Variants in EVC2 observed in about 807,000 individuals in gnomAD.
EVC2 encodes EvC ciliary complex subunit 2.
Under a neutral mutation model 149.3 loss-of-function variants are expected in EVC2, and 148 were observed. That is an observed-to-expected ratio of 0.99 (90% CI 0.87 to 1.14). The LOEUF is 1.14. Ranked by LOEUF, EVC2 falls within the 50% of genes most tolerant of loss-of-function variation. The pLI, the probability that EVC2 is intolerant of heterozygous loss-of-function variation, is 0.00. For missense variants in EVC2, 1,854 were observed against 1,627.3 expected, an observed-to-expected ratio of 1.14 and a Z score of -2.40; for synonymous variants, 776 against 649.9, an observed-to-expected ratio of 1.19 and a Z score of -2.95.
intron 10 of EVC2, among the ~76,000 whole-genome samples, chr4:5,639,621 TGGAATG>T (rs995648389): frequency 2.0e-5 from 3 of 152,306 alleles, no homozygotes; most frequent in African/African-American, 7.2e-5. Context: ...GGAGCAGAGA[TGGAATG>T]TACTAGACTG....
intron 3 of EVC2, 37 bp from the exon 4 acceptor site, chr4:5,691,370 A>G (rs1721110432): frequency 3.3e-6 from 5 of 1,532,766 alleles, no homozygotes; most frequent in South Asian, 1.1e-5. Context: ...AAAATGAGAA[A>G]TATTTCATGC....
intron 7 of EVC2, among the ~76,000 whole-genome samples, chr4:5,672,230 AG>A (rs1322685840): frequency 6.6e-6 from 1 of 152,270 alleles, no homozygotes; most frequent in Non-Finnish European, 1.5e-5. Flanking sequence ...GAGCTGGGCC[AG>A]GGGGAGGGCG....
At chr4:5,643,668 C>T (rs1259060765) in intron 9 of EVC2, among the ~76,000 whole-genome samples, 5 of 152,166 alleles carry the variant, frequency 3.3e-5, no homozygotes, top group African/African-American at 9.7e-5. Context: ...CACCTGTAAT[C>T]CCAGCACTTT....
intron 2 of EVC2, among the ~76,000 whole-genome samples, chr4:5,697,317 T>C (rs527769412): frequency 6.6e-6 from 1 of 152,364 alleles, no homozygotes; most frequent in Admixed American, 6.5e-5. Flanking sequence ...TATACCCATT[T>C]AATTCACACG....
At chr4:5,598,427 T>C (rs1359936768) in intron 16 of EVC2, among the ~76,000 whole-genome samples, 3 of 151,690 alleles carry the variant, frequency 2.0e-5, no homozygotes, top group Admixed American at 6.6e-5. Context: ...TATCTACAAC[T>C]ATCTGATCTT....
intron 16 of EVC2, among the ~76,000 whole-genome samples, chr4:5,599,279 G>T (rs923925396): frequency 1.4e-4 from 21 of 151,192 alleles, no homozygotes; most frequent in Non-Finnish European, 2.7e-4. Context: ...CACGTATGTT[G>T]ATTGTGGCAC....
intron 9 of EVC2, among the ~76,000 whole-genome samples, chr4:5,642,572 G>A (rs1250052211): frequency 6.6e-6 from 1 of 152,112 alleles, no homozygotes; most frequent in African/African-American, 2.4e-5. Flanking sequence ...ACTTTTTACA[G>A]AGCTCTAGAT....
intron 21 of EVC2, among the ~76,000 whole-genome samples, chr4:5,548,105 G>C (rs1475780130): frequency 6.6e-6 from 1 of 151,984 alleles, no homozygotes; most frequent in Admixed American, 6.6e-5. Context: ...CCCCTCGCTG[G>C]TTCACTCACA....
chr4:5,683,198 C>G (rs927361666), intron 6 of EVC2, among the ~76,000 whole-genome samples: 1 of 152,194 alleles, frequency 6.6e-6, no homozygotes, highest in South Asian at 2.1e-4. Flanking sequence ...GGCATTCATT[C>G]CCTTGGCCTT....
At chr4:5,595,487 C>G (rs1043153082) in intron 16 of EVC2, among the ~76,000 whole-genome samples, 56 of 152,014 alleles carry the variant, frequency 3.7e-4, no homozygotes, top group East Asian at 3.7e-3. Context: ...AAGTGAAGGA[C>G]AAATAAAATA....
At chr4:5,599,443 T>A (rs1577140462) in intron 16 of EVC2, among the ~76,000 whole-genome samples, 1 of 152,178 alleles carries the variant, frequency 6.6e-6, no homozygotes, top group East Asian at 1.9e-4. Flanking sequence ...AAATTGGAAA[T>A]CATCATTCTC....
At chr4:5,571,842 G>A (rs1337762196) in intron 19 of EVC2, among the ~76,000 whole-genome samples, 2 of 152,216 alleles carry the variant, frequency 1.3e-5, no homozygotes, top group African/African-American at 4.8e-5. Flanking sequence ...TCTGAGGGAA[G>A]TCGATGGCCT....
downstream of EVC2, among the ~76,000 whole-genome samples, chr4:5,561,546 C>T (rs1037963064): frequency 1.3e-5 from 2 of 152,128 alleles, no homozygotes; most frequent in African/African-American, 2.4e-5. Flanking sequence ...GCAACCCCAG[C>T]GAAGGTACTT....
In EVC2 at chr4:5,696,739, C is replaced by T. The variant is rs778834090; in HGVS notation, c.283+854G>A. On this transcript the variant is annotated intron_variant, in intron 2 of 21. Transcript: ENST00000344408. The surrounding 1 kb of genome is among the most constrained non-coding windows in gnomAD (Gnocchi z 4.1). Reference sequence around the variant, plus strand: ...GGGTCCAGCAGTGCCAGGGCCTGTGCGTTTCAGTTACAGATGCCAATGAAT... The same window carrying T: ...GGGTCCAGCAGTGCCAGGGCCTGTGTGTTTCAGTTACAGATGCCAATGAAT... 1.1e-4 allele frequency among the ~76,000 whole-genome samples: 16 copies of T among 152,146 alleles called. No homozygotes were observed. The highest frequency in any genetic ancestry group is 1.9e-4 in the Non-Finnish European group (13 of 68,034).
chr4:5,595,536 C>T (rs1229210704), intron 16 of EVC2, among the ~76,000 whole-genome samples: 1 of 152,010 alleles, frequency 6.6e-6, no homozygotes, highest in Non-Finnish European at 1.5e-5. Flanking sequence ...TTTGTCACCA[C>T]CAGGCCTGCC....
At chr4:5,611,658 TA>T (rs1714828497) in intron 16 of EVC2, among the ~76,000 whole-genome samples, 1 of 151,812 alleles carries the variant, frequency 6.6e-6, no homozygotes, top group East Asian at 1.9e-4. Flanking sequence ...AATGTCTAAA[TA>T]AAACAAAAAT....
At chr4:5,704,166 G>T (rs780606826) in intron 1 of EVC2, among the ~76,000 whole-genome samples, 3 of 152,174 alleles carry the variant, frequency 2.0e-5, no homozygotes, top group African/African-American at 7.2e-5. Flanking sequence ...AGTACTCAAG[G>T]GGAGATGCAA....
chr4:5,537,077 G>C, the EVC2 span, among the ~76,000 whole-genome samples: 1 of 152,284 alleles, frequency 6.6e-6, no homozygotes, highest in Admixed American at 6.5e-5. Context: ...AGTTTTCAAG[G>C]TGTTGGACAT....
At chr4:5,690,528 C>A (rs952555963) in intron 4 of EVC2, among the ~76,000 whole-genome samples, 1 of 151,550 alleles carries the variant, frequency 6.6e-6, no homozygotes, top group Non-Finnish European at 1.5e-5. Flanking sequence ...GGCTAGAGAA[C>A]GAGTAACTGA....
Sources: gnomAD v4.1 joint callset for allele counts (sites outside exome capture counted in the v4.1 genomes callset) on GRCh38, gnomAD v4.1.1 for gene constraint, Gnocchi (gnomAD v3.1) non-coding constraint, MANE v1.5 for transcripts, NCBI Gene and HGNC (gene_info 2026-07-23, HGNC 2026-07-21) for gene names.